Variants in MGAT4C observed in about 807,000 individuals in gnomAD.
The protein encoded by MGAT4C is alpha-1,3-mannosyl-glycoprotein 4-beta-N-acetylglucosaminyltransferase C.
MGAT4C carries 19 observed loss-of-function variants against 40.1 expected under a neutral mutation model. The observed-to-expected ratio is 0.47, with a 90% CI of 0.33 to 0.70. The LOEUF (loss-of-function observed/expected upper bound fraction) is 0.70. Among genes scored for constraint, MGAT4C ranks in the 30% least tolerant of loss-of-function variants. MGAT4C has a pLI of 0.02. For missense variants in MGAT4C, 491 were observed against 563.2 expected, an observed-to-expected ratio of 0.87 and a Z score of 1.30; for synonymous variants, 181 against 187.1, an observed-to-expected ratio of 0.97 and a Z score of 0.27.
chr12:86,161,880 A>G (rs1451101916), intron 1 of MGAT4C, among the ~76,000 whole-genome samples: 1 of 152,200 alleles, frequency 6.6e-6, no homozygotes, highest in Non-Finnish European at 1.5e-5. Flanking sequence ...ACAAGCTGCC[A>G]ACAAACGCAT....
intron 1 of MGAT4C, among the ~76,000 whole-genome samples, chr12:86,142,709 C>CT (rs113640050): frequency 0.086 from 12,030 of 140,076 alleles, 863 homozygotes; most frequent in African/African-American, 0.2. Flanking sequence ...GTGGTCCATT[C>CT]TTTTTTTTTT....
intron 3 of MGAT4C, among the ~76,000 whole-genome samples, chr12:86,389,187 C>T (rs745941609): frequency 2.1e-4 from 32 of 152,174 alleles, no homozygotes; most frequent in Non-Finnish European, 4.0e-4. Context: ...ATATCTTCTC[C>T]GTCCTCCCAT....
At chr12:86,164,949 C>T in intron 1 of MGAT4C, among the ~76,000 whole-genome samples, 1 of 152,060 alleles carries the variant, frequency 6.6e-6, no homozygotes, top group East Asian at 1.9e-4. Flanking sequence ...CTAAAAAATT[C>T]ATTTAGGCTA....
intron 1 of MGAT4C, among the ~76,000 whole-genome samples, chr12:86,808,308 G>C (rs7967181): frequency 0.025 from 3,756 of 152,044 alleles, 155 homozygotes; most frequent in African/African-American, 0.086. Flanking sequence ...ACCAAAATCT[G>C]GCAGAGATAT....
chr12:86,491,287 T>G (rs1290403247), intron 2 of MGAT4C, among the ~76,000 whole-genome samples: 1 of 152,110 alleles, frequency 6.6e-6, no homozygotes, highest in Non-Finnish European at 1.5e-5. Context: ...CATCCCTAAC[T>G]CATTTTATGA....
At chr12:86,226,861 A>G (rs1951103670) in intron 1 of MGAT4C, among the ~76,000 whole-genome samples, 1 of 151,928 alleles carries the variant, frequency 6.6e-6, no homozygotes. Context: ...GTTTCTCGAA[A>G]AAGAACTTCT....
intron 1 of MGAT4C, among the ~76,000 whole-genome samples, chr12:86,789,965 G>T (rs961928095): frequency 2.0e-5 from 3 of 152,084 alleles, no homozygotes; most frequent in African/African-American, 7.2e-5. Flanking sequence ...AAATTATCTG[G>T]CCCTAAAGGG....
intron 1 of MGAT4C, among the ~76,000 whole-genome samples, chr12:86,749,939 CT>C (rs1346012966): frequency 6.6e-6 from 1 of 151,712 alleles, no homozygotes; most frequent in African/African-American, 2.4e-5. Flanking sequence ...ATAGGAGCAA[CT>C]TTGGTCACCT....
At chr12:86,610,537 A>G (rs1347820082) in intron 2 of MGAT4C, among the ~76,000 whole-genome samples, 1 of 144,782 alleles carries the variant, frequency 6.9e-6, no homozygotes, top group Admixed American at 7.2e-5. Flanking sequence ...AAGAGGTAAA[A>G]GGGCAACAGT....
chr12:86,716,826 A>G (rs1472642929), intron 2 of MGAT4C, among the ~76,000 whole-genome samples: 2 of 152,108 alleles, frequency 1.3e-5, no homozygotes, highest in African/African-American at 4.8e-5. Flanking sequence ...GGGATAAGAC[A>G]CTAGTTTACC....
chr12:86,175,434 T>C (rs1887292561), intron 1 of MGAT4C, among the ~76,000 whole-genome samples: 1 of 152,180 alleles, frequency 6.6e-6, no homozygotes. Context: ...TAGTACATTA[T>C]TTCAGAACCT....
chr12:86,609,523 A>G (rs1173286465), intron 2 of MGAT4C, among the ~76,000 whole-genome samples: 2 of 152,132 alleles, frequency 1.3e-5, no homozygotes, highest in African/African-American at 2.4e-5. Context: ...TAAGAAACAG[A>G]TATTGTCCTG....
chr12:86,139,885 C>T (rs1162769448), intron 1 of MGAT4C, among the ~76,000 whole-genome samples: 1 of 152,202 alleles, frequency 6.6e-6, no homozygotes, highest in African/African-American at 2.4e-5. Flanking sequence ...ATCCATTCCT[C>T]ATCCAGCAGT....
intron 1 of MGAT4C, among the ~76,000 whole-genome samples, chr12:86,056,982 T>C (rs1893466345): frequency 6.6e-6 from 1 of 152,068 alleles, no homozygotes; most frequent in Admixed American, 6.6e-5. Context: ...CATACTAATA[T>C]TGGAGAAAAT....
chr12:86,099,018 A>T lies in MGAT4C; in HGVS notation c.-56-49295T>A, dbSNP rs1874444689. Among the ~76,000 whole-genome samples the T allele has an allele frequency of 2.6e-5, 4 of 151,666 alleles. No homozygotes were observed. In the South Asian group the frequency reaches 8.3e-4, roughly 31 times the overall value. On this transcript the variant is annotated intron_variant, in intron 1 of 4. Coordinates refer to ENST00000611864, the MANE Select transcript of MGAT4C (RefSeq NM_001351288.2). ...AGAGAATAGTTAGGCATTTATAGAA[A>T]TTCTACCTTTTTAAAATAAATTGTA...
intron 2 of MGAT4C, among the ~76,000 whole-genome samples, chr12:86,495,736 C>T (rs1187026540): frequency 2.0e-5 from 3 of 152,014 alleles, no homozygotes; most frequent in African/African-American, 4.8e-5. Context: ...GAAATTGACC[C>T]TCCATGTCTT....
chr12:85,989,340 T>C, intron 3 of MGAT4C, 60 bp downstream of exon 3: 3 of 1,445,318 alleles, frequency 2.1e-6, no homozygotes, highest in South Asian at 1.5e-5. Context: ...ACAATGGGAC[T>C]AATTCTTGTT....
At chr12:86,282,077 T>C (rs543247699) in intron 4 of MGAT4C, among the ~76,000 whole-genome samples, 1 of 152,224 alleles carries the variant, frequency 6.6e-6, no homozygotes, top group East Asian at 1.9e-4. Flanking sequence ...AAATTTTACT[T>C]TGCTCAGTAT....
At chr12:86,451,458 G>A (rs1957424312) in intron 2 of MGAT4C, among the ~76,000 whole-genome samples, 1 of 152,070 alleles carries the variant, frequency 6.6e-6, no homozygotes, top group Admixed American at 6.6e-5. Flanking sequence ...AAAGCATTAT[G>A]CCCTTCCTTT....
Sources: allele counts gnomAD v4.1 joint callset (sites outside exome capture counted in the v4.1 genomes callset), GRCh38; gene constraint gnomAD v4.1.1; transcripts MANE v1.5; gene names NCBI Gene and HGNC (gene_info 2026-07-23, HGNC 2026-07-21).